The following IL15 variants were observed in gnomAD, a reference collection of about 807,000 sequenced individuals.
IL15 encodes the protein interleukin-15.
A neutral mutation model predicts 19.6 loss-of-function variants in IL15; 11 were observed. The ratio of observed to expected loss-of-function variants is 0.56; its 90% CI spans 0.35 to 0.93. The LOEUF is 0.93. Ranked by LOEUF, IL15 falls within the 40% of genes least tolerant of loss-of-function variation. IL15 has a pLI of 0.01. For synonymous variants in IL15, 58 were observed against 59.6 expected (o/e 0.97, Z 0.12); for missense variants, 197 against 186.5 (o/e 1.06, Z -0.33).
At chr4:141,713,333 G>A (rs1217677295) in intron 2 of IL15, among the ~76,000 whole-genome samples, 1 of 152,148 alleles carries the variant, frequency 6.6e-6, no homozygotes. Flanking sequence ...AAACCGACTA[G>A]TTATTTATCA....
intron 2 of IL15, chr4:141,716,473 T>C (rs1271178623): frequency 6.6e-6 from 1 of 152,212 alleles, no homozygotes; most frequent in African/African-American, 2.4e-5. Flanking sequence ...GTGAAATTCA[T>C]GTAGTGTTAA....
At position 141,658,034 on chromosome 4, in the gene IL15, C is replaced by T. The variant is rs75340560; in HGVS notation, c.-100+1727C>T. 3.4e-3 allele frequency among the ~76,000 whole-genome samples: 519 copies of T among 152,238 alleles called. 4 individuals carry two copies. Among genetic ancestry groups the T allele is most frequent in the South Asian group, 0.011 (53 of 4,812 alleles). On this transcript the variant is annotated intron_variant, in intron 2 of 7. Coordinates refer to ENST00000320650, the MANE Select transcript of IL15 (RefSeq NM_000585.5). ...AATGCACTGTGTTACGACATTATGA[C>T]GTCGATGTGGTTTGGATTTGTGTCT... is the stretch of plus-strand genomic sequence containing the variant.
chr4:141,661,993 T>G (rs888553538), intron 2 of IL15, among the ~76,000 whole-genome samples: 56 of 152,352 alleles, frequency 3.7e-4, no homozygotes, highest in African/African-American at 1.3e-3. Context: ...ATTGCTTAAT[T>G]TTCAAGCAAT....
intron 1 of IL15, among the ~76,000 whole-genome samples, chr4:141,648,968 C>T (rs1727317969): frequency 1.3e-5 from 2 of 152,096 alleles, no homozygotes; most frequent in Admixed American, 1.3e-4. Flanking sequence ...AAAGACGCAG[C>T]ACATTTGATT....
chr4:141,669,140 A>C (rs2152166336), intron 2 of IL15, among the ~76,000 whole-genome samples: 1 of 152,330 alleles, frequency 6.6e-6, no homozygotes, highest in South Asian at 2.1e-4. Flanking sequence ...TGTAACAAAA[A>C]ATTAGTTAAG....
At chr4:141,695,844 T>C (rs1316687551) in intron 2 of IL15, among the ~76,000 whole-genome samples, 1 of 152,128 alleles carries the variant, frequency 6.6e-6, no homozygotes, top group Non-Finnish European at 1.5e-5. Flanking sequence ...ATATATACAC[T>C]ATATATTCAG....
At chr4:141,693,846 T>C (rs1047855198) in intron 2 of IL15, among the ~76,000 whole-genome samples, 2 of 152,202 alleles carry the variant, frequency 1.3e-5, no homozygotes, top group South Asian at 2.1e-4. Context: ...ACATATAGAC[T>C]ATTTTTAAGA....
intron 2 of IL15, among the ~76,000 whole-genome samples, chr4:141,708,664 G>A (rs1402408439): frequency 6.6e-6 from 1 of 152,108 alleles, no homozygotes; most frequent in Admixed American, 6.5e-5. Context: ...ATGACATTGT[G>A]GCAGAAGTGG....
intron 7 of IL15, among the ~76,000 whole-genome samples, chr4:141,731,739 C>T (rs1300144273): frequency 2.6e-5 from 4 of 152,196 alleles, no homozygotes; most frequent in Non-Finnish European, 5.9e-5. Flanking sequence ...TGAAATATGA[C>T]AGTGCTTGGC....
At chr4:141,732,643 C>A in intron 7 of IL15, 95 bp from the exon 8 acceptor site, 1 of 1,492,274 alleles carries the variant, frequency 6.7e-7, no homozygotes, top group African/African-American at 1.4e-5. Context: ...CAAGACCTCA[C>A]CATATGGTTC....
chr4:141,690,119 C>T (rs932431797), intron 2 of IL15, among the ~76,000 whole-genome samples: 1 of 152,184 alleles, frequency 6.6e-6, no homozygotes, highest in African/African-American at 2.4e-5. Context: ...TCCCTCATTG[C>T]CCGGGGCCAG....
At chr4:141,645,260 T>C (rs945244611) in intron 1 of IL15, among the ~76,000 whole-genome samples, 2 of 152,148 alleles carry the variant, frequency 1.3e-5, no homozygotes, top group African/African-American at 4.8e-5. Context: ...ATAGAAACCC[T>C]TACCATTTTT....
At chr4:141,648,066 A>G (rs1727289070) in intron 1 of IL15, among the ~76,000 whole-genome samples, 1 of 152,058 alleles carries the variant, frequency 6.6e-6, no homozygotes, top group African/African-American at 2.4e-5. Context: ...GATCCAACAT[A>G]TATTCCTGAG....
At chr4:141,731,642 A>G (rs900150006) in intron 7 of IL15, among the ~76,000 whole-genome samples, 1 of 152,182 alleles carries the variant, frequency 6.6e-6, no homozygotes, top group Non-Finnish European at 1.5e-5. Context: ...GAAGAATTTC[A>G]GTTGATTATG....
At chr4:141,698,892 T>C (rs1729190387) in intron 2 of IL15, among the ~76,000 whole-genome samples, 2 of 152,100 alleles carry the variant, frequency 1.3e-5, no homozygotes, top group African/African-American at 2.4e-5. Context: ...TTTGTTCCTG[T>C]CTCTTAAGTT....
At chr4:141,666,658 C>T (rs930364734) in intron 2 of IL15, among the ~76,000 whole-genome samples, 1 of 151,976 alleles carries the variant, frequency 6.6e-6, no homozygotes, top group Admixed American at 6.5e-5. Context: ...TGCTTCCCCC[C>T]ACTTTTTTTT....
intron 1 of IL15, among the ~76,000 whole-genome samples, chr4:141,638,624 G>A (rs1161380012): frequency 6.6e-6 from 1 of 152,198 alleles, no homozygotes; most frequent in Non-Finnish European, 1.5e-5. Context: ...CAGCTATATT[G>A]CAAGGCACAA....
intron 5 of IL15, among the ~76,000 whole-genome samples, chr4:141,725,907 G>A (rs912688575): frequency 2.0e-5 from 3 of 152,174 alleles, no homozygotes; most frequent in African/African-American, 4.8e-5. Context: ...CACATCTGGT[G>A]AGGGCCTTCC....
intron 2 of IL15, chr4:141,704,536 A>T: frequency 3.4e-6 from 1 of 296,204 alleles, no homozygotes; most frequent in South Asian, 3.0e-5. Context: ...CTGGTTTTGG[A>T]ATCGGATTAA....
Sources: allele counts gnomAD v4.1 joint callset (sites outside exome capture counted in the v4.1 genomes callset), GRCh38; gene constraint gnomAD v4.1.1; transcripts MANE v1.5; gene names NCBI Gene and HGNC (gene_info 2026-07-23, HGNC 2026-07-21).